Variants in DCLK3 observed in about 807,000 individuals in gnomAD.
DCLK3 encodes serine/threonine-protein kinase DCLK3.
Under a neutral mutation model 46.4 loss-of-function variants are expected in DCLK3, and 30 were observed. That is an observed-to-expected ratio of 0.65 (90% CI 0.48 to 0.88). The LOEUF (loss-of-function observed/expected upper bound fraction) is 0.88. Ranked by LOEUF, DCLK3 falls within the 40% of genes least tolerant of loss-of-function variation. The pLI is 0.00. For synonymous variants in DCLK3, 401 were observed against 339.2 expected, an observed-to-expected ratio of 1.18 and a Z score of -2.00; for missense variants, 846 against 907.1, an observed-to-expected ratio of 0.93 and a Z score of 0.87.
At position 36,738,774 on chromosome 3, in the gene DCLK3, T is replaced by C; in HGVS notation, c.393A>G (p.Glu131=). ...TCTTCCATCTGGGAGAGCCCAAGGC[T>C]TCTGAGATGTCAGCTAAGAGCTGCT... is the stretch of plus-strand genomic sequence containing the variant. The part of the protein sequence containing the change: ...TFEQLLADIS[E]ALGSPRWKND... The change falls in exon 2 of 5, where the codon GAA becomes GAG. Residue 131 remains glutamate, a synonymous_variant. Transcript: ENST00000636136. The C allele has an allele frequency of 1.6e-6, 2 of 1,246,090 alleles. No homozygotes were observed. Among genetic ancestry groups the C allele is most frequent in the Non-Finnish European group, 2.1e-6 (2 of 972,808 alleles). The allele number at this position is 1,246,090 out of a possible 1,614,324, so 77.2% of individuals were successfully genotyped here.
intron 1 of DCLK3, among the ~76,000 whole-genome samples, chr3:36,757,486 C>CAA (rs36122014): frequency 6.6e-6 from 1 of 150,986 alleles, no homozygotes; most frequent in Non-Finnish European, 1.5e-5. Flanking sequence ...ATACAGAAAA[C>CAA]AAAAAAAAAG....
intron 1 of DCLK3, among the ~76,000 whole-genome samples, chr3:36,742,427 C>T (rs1199559184): frequency 6.6e-6 from 1 of 152,192 alleles, no homozygotes. Flanking sequence ...TAAGAACAGC[C>T]TCCATCCCAG....
At position 36,714,011 on chromosome 3, in the gene DCLK3, G is replaced by C. The variant is rs935900072; in HGVS notation, c.*1317C>G. On this transcript the variant is annotated 3_prime_UTR_variant, in exon 5 of 5. Transcript: ENST00000636136. Reference sequence around the variant, plus strand: ...TATTCCCTTCAGTCTTGGAGGACCTGAGTGGCATACTACAGTGTCCACTAC... The same window carrying C: ...TATTCCCTTCAGTCTTGGAGGACCTCAGTGGCATACTACAGTGTCCACTAC... 6.6e-6 allele frequency: 1 copy of C among 152,198 alleles called. No homozygotes were observed. Among genetic ancestry groups the C allele is most frequent in the African/African-American group, 2.4e-5 (1 of 41,446 alleles). The allele number at this position is 152,198 out of a possible 1,614,324, so 9.4% of individuals were successfully genotyped here. A position where few individuals can be genotyped will look rare whatever the true frequency, so the allele number is the denominator to read the frequency against.
intron 1 of DCLK3, among the ~76,000 whole-genome samples, chr3:36,759,585 C>T (rs1397511416): frequency 6.6e-6 from 1 of 152,248 alleles, no homozygotes; most frequent in African/African-American, 2.4e-5. Flanking sequence ...GACTAATACA[C>T]TTCATGAACT....
chr3:36,728,360 T>TG (rs1214172506), intron 2 of DCLK3, among the ~76,000 whole-genome samples: 4 of 150,664 alleles, frequency 2.7e-5, no homozygotes, highest in African/African-American at 9.8e-5. Flanking sequence ...GTATCATTGG[T>TG]GGGGGGTGGG....
At chr3:36,726,980 G>A (rs536058222) in intron 2 of DCLK3, among the ~76,000 whole-genome samples, 1 of 152,300 alleles carries the variant, frequency 6.6e-6, no homozygotes, top group South Asian at 2.1e-4. Context: ...TTATAAATTA[G>A]TGGCATAAAA....
chr3:36,715,196 T>C lies in DCLK3; in HGVS notation c.*132A>G, dbSNP rs1575132955. The C allele has an allele frequency of 5.1e-6, 5 of 986,794 alleles. No individual in the cohort carries two copies. The highest frequency in any genetic ancestry group is 2.1e-5 in the South Asian group (1 of 48,072). 61.1% of individuals were successfully genotyped at this position (986,794 alleles called of 1,614,324 possible). A position where few individuals can be genotyped will look rare whatever the true frequency, so the allele number is the denominator to read the frequency against. On this transcript the variant is annotated 3_prime_UTR_variant, in exon 5 of 5. Coordinates refer to ENST00000636136, the MANE Select transcript of DCLK3 (RefSeq NM_001394672.2). ...TTAATTTTTTTAATATGCTTTAAAA[T>C]ATACTCAGTGTCTCTCCCTCTGATT... is the stretch of plus-strand genomic sequence containing the variant.
At chr3:36,735,065 G>C (rs563548731) in intron 2 of DCLK3, among the ~76,000 whole-genome samples, 1 of 152,276 alleles carries the variant, frequency 6.6e-6, no homozygotes, top group South Asian at 2.1e-4. Context: ...ACATAGCTGA[G>C]AACTTGTATA....
At chr3:36,750,790 G>T (rs1033841725) in intron 1 of DCLK3, among the ~76,000 whole-genome samples, 23 of 152,198 alleles carry the variant, frequency 1.5e-4, no homozygotes, top group African/African-American at 5.1e-4. Context: ...ACCTTCCGCA[G>T]ATCGTGAATG....
chr3:36,753,696 G>A (rs961689134), intron 1 of DCLK3, among the ~76,000 whole-genome samples: 1 of 152,044 alleles, frequency 6.6e-6, no homozygotes, highest in African/African-American at 2.4e-5. Context: ...TTTATTTTGA[G>A]ATAGGGTCTT....
intron 1 of DCLK3, among the ~76,000 whole-genome samples, chr3:36,741,044 G>A (rs1701339065): frequency 6.6e-6 from 1 of 152,170 alleles, no homozygotes; most frequent in South Asian, 2.1e-4. Context: ...AAATTTATGA[G>A]CTTAACAATC....
rs1701010912 is a variant in DCLK3, at chr3:36,718,270, G to A, written c.2093-93C>T. The A allele has an allele frequency of 4.5e-6, 7 of 1,555,166 alleles. No individual in the cohort carries two copies. The East Asian group carries it at 6.8e-5, about 15-fold the overall frequency. On this transcript the variant is annotated intron_variant, in intron 3 of 4. Transcript: ENST00000636136. ...TGATGGAGTATTGTGGTTCTAAATAGATCTAAGTCATAGAGGATCCCAGCT... is the reference window on the plus strand; with the variant it reads ...TGATGGAGTATTGTGGTTCTAAATAAATCTAAGTCATAGAGGATCCCAGCT...
intron 3 of DCLK3, among the ~76,000 whole-genome samples, chr3:36,719,148 T>A (rs978835961): frequency 6.6e-6 from 1 of 152,234 alleles, no homozygotes; most frequent in Non-Finnish European, 1.5e-5. Context: ...TGTGCACATG[T>A]CTGATTATAT....
intron 1 of DCLK3, among the ~76,000 whole-genome samples, chr3:36,752,713 C>A (rs1380740966): frequency 1.3e-5 from 2 of 152,104 alleles, no homozygotes; most frequent in Non-Finnish European, 2.9e-5. Context: ...TTGCTCCATC[C>A]CCCTCCCTCA....
intron 1 of DCLK3, among the ~76,000 whole-genome samples, chr3:36,761,002 T>C (rs1274001206): frequency 1.3e-5 from 2 of 152,352 alleles, no homozygotes; most frequent in African/African-American, 2.4e-5. Context: ...GCAATTCTGA[T>C]GGACTCACCT....
chr3:36,745,012 G>A (rs10510688), intron 1 of DCLK3, among the ~76,000 whole-genome samples: 12,312 of 152,204 alleles, frequency 0.081, 1,066 homozygotes, highest in African/African-American at 0.22. Context: ...CCACAATTCA[G>A]ATAAAGTAAC....
At chr3:36,745,269 T>C (rs1032879708) in intron 1 of DCLK3, among the ~76,000 whole-genome samples, 1 of 152,212 alleles carries the variant, frequency 6.6e-6, no homozygotes, top group Admixed American at 6.5e-5. Context: ...ATAACTCACG[T>C]GTCTAATTAA....
Position 36,715,485 on chromosome 3 carries a change from T to C in DCLK3, c.2297A>G (p.Asp766Gly). 1 of 1,558,786 alleles carries C rather than the reference T, an allele frequency of 6.4e-7. No homozygotes were observed. The highest frequency in any genetic ancestry group is 8.7e-7 in the Non-Finnish European group (1 of 1,154,094). ...KDLVSRLLVV[D>G]PKKRYTAHQV... ...ATGAGCTGTGTAGCGCTTTTTGGGG[T>C]CTACCACCAGCAACCGGCTCACCAG... Residue 766 changes from aspartate (D) to glycine (G), a missense_variant, in exon 5 of 5, where the codon GAC (aspartate) becomes GGC (glycine). Physicochemically the swap from Asp to Gly is moderately conservative, Grantham distance 94 (BLOSUM62 -1). Coordinates refer to ENST00000636136, the MANE Select transcript of DCLK3 (RefSeq NM_001394672.2).
chr3:36,737,723 G>C lies in DCLK3; in HGVS notation c.1444C>G (p.Leu482Val). ...PCMSGGRRMT[L>V]RDDQPAKLEK... ...AGCTTTGCAGGTTGGTCATCTCTGA[G>C]AGTCATCCTTCTGCCTCCAGACATA... Residue 482 changes from leucine (L) to valine (V), a missense_variant, in exon 2 of 5, where the codon CTC becomes GTC. Around this residue, in one of 3 missense-constraint regions of DCLK3, gnomAD observed 553 missense variants for 543.0 expected, o/e 1.02. Coordinates refer to ENST00000636136, the MANE Select transcript of DCLK3 (RefSeq NM_001394672.2). This position sits in a 1 kb window ranked among gnomAD's most constrained non-coding sequence, Gnocchi z 4.4. 1 of 1,614,132 alleles carries C rather than the reference G, an allele frequency of 6.2e-7. No individual in the cohort carries two copies. Among genetic ancestry groups the C allele is most frequent in the East Asian group, 2.2e-5 (1 of 44,884 alleles).
Sources: allele counts gnomAD v4.1 joint callset (sites outside exome capture counted in the v4.1 genomes callset), GRCh38; gene constraint gnomAD v4.1.1; regional missense constraint gnomAD v4.1.1; non-coding constraint Gnocchi (gnomAD v3.1); transcripts MANE v1.5; gene names NCBI Gene and HGNC (gene_info 2026-07-23, HGNC 2026-07-21).